EXT1: variants seen among roughly 807,000 people sequenced by gnomAD.
EXT1 encodes exostosin-1.
Under a neutral mutation model 82.5 loss-of-function variants are expected in EXT1, and 20 were observed. That is an observed-to-expected ratio of 0.24 (90% CI 0.17 to 0.35). EXT1 has a LOEUF of 0.35. Among genes scored for constraint, EXT1 ranks in the 10% least tolerant of loss-of-function variants. The pLI is 1.00. For missense variants in EXT1, 757 were observed against 936.5 expected (o/e 0.81, Z 2.50); for synonymous variants, 348 against 350.8 (o/e 0.99, Z 0.09).
chr8:117,812,908 G>T lies in EXT1; in HGVS notation c.1686C>A (p.Leu562=), dbSNP rs139727582. 6.2e-7 allele frequency: 1 copy of T among 1,614,088 alleles called. No individual in the cohort carries two copies. Among genetic ancestry groups the T allele is most frequent in the Non-Finnish European group, 8.5e-7 (1 of 1,179,994 alleles). ...PYDNIITDAV[L]SLDEDTVLST... ...AAAGCACCGTGTCCTCGTCAAGGCTGAGCACGGCGTCTGTGATGATGTTGT... is the reference window on the plus strand; with the variant it reads ...AAAGCACCGTGTCCTCGTCAAGGCTTAGCACGGCGTCTGTGATGATGTTGT... The change falls in exon 8 of 11, where the codon CTC becomes CTA. Residue 562 remains leucine, a synonymous_variant. Coordinates refer to ENST00000378204, the MANE Select transcript of EXT1 (RefSeq NM_000127.3).
In EXT1 at chr8:117,799,307, CAAT is replaced by C. The variant is rs1434872527; in HGVS notation, c.*402_*404del. ...TGCAGGGCACCCTACATGGCCATGA[CAAT>C]GATGTCTGTGGGAAAAGGAATAGCA... On this transcript the variant is annotated 3_prime_UTR_variant, in exon 11 of 11. Coordinates refer to ENST00000378204, the MANE Select transcript of EXT1 (RefSeq NM_000127.3). The C allele has an allele frequency of 1.2e-5, 3 of 240,130 alleles. No individual in the cohort carries two copies. Among genetic ancestry groups the C allele is most frequent in the African/African-American group, 4.5e-5 (2 of 43,994 alleles). 14.9% of individuals were successfully genotyped at this position (240,130 alleles called of 1,614,324 possible).
chr8:117,805,005 T>A (rs17439534), intron 9 of EXT1, 112 bp from the exon 10 acceptor site: 3 of 928,248 alleles, frequency 3.2e-6, no homozygotes, highest in Non-Finnish European at 5.1e-6. Context: ...ATGTCATGAA[T>A]GGTAATGATA....
intron 1 of EXT1, among the ~76,000 whole-genome samples, chr8:118,022,246 C>T (rs1441182794): frequency 3.4e-5 from 5 of 145,038 alleles, no homozygotes; most frequent in Non-Finnish European, 6.0e-5. Context: ...GCATATATAA[C>T]TGGGAAAGCA....
intron 1 of EXT1, among the ~76,000 whole-genome samples, chr8:118,074,573 A>AG (rs1817170203): frequency 9.2e-6 from 1 of 109,122 alleles, no homozygotes; most frequent in Non-Finnish European, 1.7e-5. Flanking sequence ...GAGAGAAGAG[A>AG]GAAAAAAAAA....
At position 117,794,707 on chromosome 8, in the gene EXT1, C is replaced by T. The variant is rs1249724086; in HGVS notation, c.*5005G>A. The T allele has an allele frequency of 1.3e-5, 2 of 152,186 alleles. No individual in the cohort carries two copies. Among genetic ancestry groups the T allele is most frequent in the African/African-American group, 4.8e-5 (2 of 41,532 alleles). The allele number at this position is 152,186 out of a possible 1,614,324, so 9.4% of individuals were successfully genotyped here. ...ACTTGAGGGCTTAATTACGCTAAGT[C>T]ATTAATACTCTATAACAAATGGGAA... On this transcript the variant is annotated 3_prime_UTR_variant, in exon 11 of 11. Transcript: ENST00000378204.
intron 1 of EXT1, among the ~76,000 whole-genome samples, chr8:118,064,944 C>T (rs1011313848): frequency 2.6e-5 from 4 of 151,542 alleles, no homozygotes; most frequent in African/African-American, 9.7e-5. Flanking sequence ...CCTCTGCCTC[C>T]CAGATTCAAG....
chr8:117,944,785 T>C (rs978033087), intron 1 of EXT1, among the ~76,000 whole-genome samples: 1 of 152,186 alleles, frequency 6.6e-6, no homozygotes. Context: ...GCAATTATTA[T>C]TGACATTGTT....
chr8:118,071,353 C>T (rs1223560301), intron 1 of EXT1, among the ~76,000 whole-genome samples: 2 of 152,216 alleles, frequency 1.3e-5, no homozygotes, highest in African/African-American at 4.8e-5. Flanking sequence ...TCTTTGTTTG[C>T]GCTGACACAG....
intron 1 of EXT1, among the ~76,000 whole-genome samples, chr8:118,020,420 CATA>C: frequency 6.6e-6 from 1 of 152,286 alleles, no homozygotes; most frequent in Middle Eastern, 3.4e-3. Context: ...TATGTAAAAT[CATA>C]ACTATTTTAA....
At chr8:117,897,312 T>C (rs1046903281) in intron 1 of EXT1, among the ~76,000 whole-genome samples, 2 of 152,146 alleles carry the variant, frequency 1.3e-5, no homozygotes, top group East Asian at 1.9e-4. Context: ...ATGCATCAGA[T>C]GGTGTGGCAG....
chr8:118,095,928 G>A (rs1817603200), intron 1 of EXT1, among the ~76,000 whole-genome samples: 1 of 152,130 alleles, frequency 6.6e-6, no homozygotes, highest in Admixed American at 6.5e-5. Flanking sequence ...GGAGGCCAGC[G>A]GAAGGAACAA....
chr8:117,856,006 G>C (rs1002236716), intron 1 of EXT1, among the ~76,000 whole-genome samples: 1 of 152,126 alleles, frequency 6.6e-6, no homozygotes, highest in East Asian at 1.9e-4. Context: ...AGATGATTAA[G>C]CTTAGTGAAG....
rs1034361338 is a variant in EXT1 at position 117,800,735 on chromosome 8, G to A, written c.2056-838C>T. 5.1e-4 allele frequency among the ~76,000 whole-genome samples: 77 copies of A among 152,262 alleles called. 1 individual carries two copies. The highest frequency in any genetic ancestry group is 1.7e-3 in the African/African-American group (70 of 41,564). On this transcript the variant is annotated intron_variant, in intron 10 of 10. Coordinates refer to ENST00000378204, the MANE Select transcript of EXT1 (RefSeq NM_000127.3). Reference sequence around the variant, plus strand: ...AGAATCACTGCTCACCCAGAATAAAGATTAACTCTCGACAAATAGAAAAGA... The same window carrying A: ...AGAATCACTGCTCACCCAGAATAAAAATTAACTCTCGACAAATAGAAAAGA...
intron 1 of EXT1, among the ~76,000 whole-genome samples, chr8:117,847,384 C>T (rs1812379585): frequency 1.3e-5 from 2 of 152,162 alleles, no homozygotes; most frequent in African/African-American, 4.8e-5. Flanking sequence ...ATTTTAAAAT[C>T]CCTTCTCTGT....
At chr8:117,939,018 T>G (rs987128583) in intron 1 of EXT1, among the ~76,000 whole-genome samples, 1 of 152,092 alleles carries the variant, frequency 6.6e-6, no homozygotes, top group Admixed American at 6.5e-5. Flanking sequence ...TACAATCTCA[T>G]GCCCCCTCCT....
In EXT1 at chr8:117,986,191, T is replaced by TCTTTTC. The variant is rs79744768; in HGVS notation, c.962+123893_962+123894insGAAAAG. 5.9e-4 allele frequency among the ~76,000 whole-genome samples: 87 copies of TCTTTTC among 147,848 alleles called. 1 individual carries two copies. Among genetic ancestry groups the TCTTTTC allele is most frequent in the Middle Eastern group, 6.9e-3 (2 of 288 alleles). On this transcript the variant is annotated intron_variant, in intron 1 of 10. Coordinates refer to ENST00000378204, the MANE Select transcript of EXT1 (RefSeq NM_000127.3). ...ACCTTGCTTAACTATTCTTTTCTTT[T>TCTTTTC]TTTTTTTTTTTTTTTTGAGACGAAG...
rs917659195 is a variant in EXT1, at chr8:117,962,758, A to AC, written c.963-125558dup. On this transcript the variant is annotated intron_variant, in intron 1 of 10. Coordinates refer to ENST00000378204, the MANE Select transcript of EXT1 (RefSeq NM_000127.3). ...ATGGGGAAAGACTCCATCCCCCCAC[A>AC]CCCCCCACCCCCAAAAAAAAGAGAA... Among the ~76,000 whole-genome samples the AC allele has an allele frequency of 1.3e-4, 13 of 98,638 alleles. No individual in the cohort carries two copies. The South Asian group carries it at 2.1e-3, about 16-fold the overall frequency. The allele number at this position is 98,638 out of a possible 152,430, so 64.7% of individuals were successfully genotyped here.
intron 1 of EXT1, among the ~76,000 whole-genome samples, chr8:117,999,982 GTA>G (rs35181438): frequency 0.011 from 1,680 of 151,652 alleles, 35 homozygotes; most frequent in African/African-American, 0.038. Flanking sequence ...ATGTGTGTGT[GTA>G]TATATATATC....
intron 1 of EXT1, among the ~76,000 whole-genome samples, chr8:118,062,072 C>T (rs544743389): frequency 6.6e-6 from 1 of 152,094 alleles, no homozygotes; most frequent in African/African-American, 2.4e-5. Flanking sequence ...AAACAAGAGA[C>T]ACCAACTGTC....
Sources: gnomAD v4.1 joint callset for allele counts (sites outside exome capture counted in the v4.1 genomes callset) on GRCh38, gnomAD v4.1.1 for gene constraint, MANE v1.5 for transcripts, NCBI Gene and HGNC (gene_info 2026-07-23, HGNC 2026-07-21) for gene names.